Variants in CDH4 observed in about 807,000 individuals in gnomAD.
CDH4 encodes the protein cadherin-4.
A neutral mutation model predicts 86.0 loss-of-function variants in CDH4; 33 were observed. The observed-to-expected ratio is 0.38, with a 90% confidence interval of 0.29 to 0.51. The LOEUF (loss-of-function observed/expected upper bound fraction) is 0.51. Among genes scored for constraint, CDH4 ranks in the 20% least tolerant of loss-of-function variants. The pLI is 0.86. For synonymous variants in CDH4, 555 were observed against 549.4 expected, an observed-to-expected ratio of 1.01 and a Z score of -0.14; for missense variants, 1,114 against 1,307.4, an observed-to-expected ratio of 0.85 and a Z score of 2.28.
intron 3 of CDH4, among the ~76,000 whole-genome samples, chr20:61,759,919 G>A (rs1037698529): frequency 6.6e-6 from 1 of 152,160 alleles, no homozygotes; most frequent in East Asian, 1.9e-4. Flanking sequence ...TAGGAATGCC[G>A]AGGTTGAGAA....
chr20:61,643,861 C>T (rs946298571), intron 2 of CDH4, among the ~76,000 whole-genome samples: 5 of 152,214 alleles, frequency 3.3e-5, no homozygotes, highest in African/African-American at 1.2e-4. Flanking sequence ...CCCCAGTAGG[C>T]GGAGCCCCTG....
intron 7 of CDH4, among the ~76,000 whole-genome samples, chr20:61,883,729 C>T (rs1984402134): frequency 6.6e-6 from 1 of 152,158 alleles, no homozygotes; most frequent in Non-Finnish European, 1.5e-5. Flanking sequence ...AGAGAGGCCC[C>T]AGGGAGGAGC....
intron 2 of CDH4, among the ~76,000 whole-genome samples, chr20:61,345,039 G>A (rs1047723593): frequency 6.6e-5 from 10 of 152,188 alleles, no homozygotes; most frequent in Non-Finnish European, 1.0e-4. Context: ...CTACTTATGC[G>A]CAGGTAATAG....
At chr20:61,358,437 G>A (rs996864498) in intron 2 of CDH4, among the ~76,000 whole-genome samples, 2 of 152,242 alleles carry the variant, frequency 1.3e-5, no homozygotes, top group African/African-American at 4.8e-5. Flanking sequence ...ATGCCTAGTA[G>A]AGGGCCTGGG....
At chr20:61,459,862 C>T (rs1568852895) in intron 2 of CDH4, among the ~76,000 whole-genome samples, 1 of 152,024 alleles carries the variant, frequency 6.6e-6, no homozygotes, top group East Asian at 2.0e-4. Context: ...CACACACCAC[C>T]CCAGGGCAGG....
chr20:61,406,882 TCTGCTCTGCCC>T lies in CDH4; in HGVS notation c.169+151946_169+151956del, dbSNP rs2085087246. Among the ~76,000 whole-genome samples the T allele has an allele frequency of 5.3e-5, 8 of 150,190 alleles. No homozygotes were observed. In the South Asian group the frequency reaches 1.7e-3, roughly 32 times the overall value. On this transcript the variant is annotated intron_variant, in intron 2 of 15. Transcript: ENST00000614565. Reference sequence around the variant, plus strand: ...GCCATCTGCTCTGCCCGGACCACCATCTGCTCTGCCCGGACCACCATCTGCTCTGCCTGGAC... The same window carrying T: ...GCCATCTGCTCTGCCCGGACCACCATGGACCACCATCTGCTCTGCCTGGAC...
At chr20:61,542,397 C>T (rs2086046271) in intron 2 of CDH4, among the ~76,000 whole-genome samples, 1 of 152,148 alleles carries the variant, frequency 6.6e-6, no homozygotes, top group South Asian at 2.1e-4. Flanking sequence ...GAGGGTTTCT[C>T]ACATTATCTC....
intron 7 of CDH4, among the ~76,000 whole-genome samples, chr20:61,874,717 C>T (rs944550067): frequency 1.3e-5 from 2 of 152,222 alleles, no homozygotes; most frequent in Admixed American, 6.5e-5. Flanking sequence ...CATCGCCTGC[C>T]TTCCCCATCT....
At chr20:61,321,960 CAAG>C (rs1028515400) in intron 2 of CDH4, among the ~76,000 whole-genome samples, 50 of 151,612 alleles carry the variant, frequency 3.3e-4, no homozygotes, top group African/African-American at 1.1e-3. Context: ...AATAATATAA[CAAG>C]GAGCTGCATT....
chr20:61,639,628 G>C (rs1008323169), intron 2 of CDH4, among the ~76,000 whole-genome samples: 4 of 152,228 alleles, frequency 2.6e-5, no homozygotes, highest in Non-Finnish European at 1.5e-5. Flanking sequence ...CATCGCGTCA[G>C]TGCTTGCCTG....
chr20:61,511,077 C>T (rs2085776026), intron 2 of CDH4, among the ~76,000 whole-genome samples: 1 of 152,218 alleles, frequency 6.6e-6, no homozygotes, highest in African/African-American at 2.4e-5. Context: ...AGACACCTCC[C>T]CACAGGCCCC....
intron 2 of CDH4, among the ~76,000 whole-genome samples, chr20:61,589,882 G>A (rs2086505198): frequency 6.6e-6 from 1 of 151,882 alleles, no homozygotes; most frequent in Admixed American, 6.6e-5. Context: ...GACATTGCGT[G>A]GACAAACAGA....
intron 2 of CDH4, among the ~76,000 whole-genome samples, chr20:61,373,666 A>T (rs1188791322): frequency 6.6e-6 from 1 of 152,178 alleles, no homozygotes; most frequent in African/African-American, 2.4e-5. Flanking sequence ...CTGAATTGCC[A>T]GGTGACCTTG....
intron 2 of CDH4, chr20:61,718,452 G>C: frequency 4.1e-6 from 1 of 244,364 alleles, no homozygotes; most frequent in African/African-American, 2.2e-5. Context: ...AACACAGAAG[G>C]AGGCAGGTGC....
intron 2 of CDH4, among the ~76,000 whole-genome samples, chr20:61,374,676 G>A (rs1034474832): frequency 5.9e-5 from 9 of 152,088 alleles, no homozygotes; most frequent in Admixed American, 2.6e-4. Flanking sequence ...CTGAAAGATC[G>A]GTTTGGGCCT....
intron 2 of CDH4, among the ~76,000 whole-genome samples, chr20:61,558,336 C>G (rs1276135173): frequency 1.3e-5 from 2 of 152,068 alleles, no homozygotes; most frequent in Non-Finnish European, 2.9e-5. Flanking sequence ...GTGGCACCTG[C>G]CCCCCAAGTC....
chr20:61,493,061 G>A (rs1401382721), intron 2 of CDH4, among the ~76,000 whole-genome samples: 2 of 152,238 alleles, frequency 1.3e-5, no homozygotes, highest in Non-Finnish European at 2.9e-5. Context: ...AGGTTTGAAT[G>A]AAGTACGTAA....
chr20:61,390,694 G>T (rs559241732), intron 2 of CDH4, among the ~76,000 whole-genome samples: 159 of 151,668 alleles, frequency 1.0e-3, no homozygotes, highest in Non-Finnish European at 1.3e-3. Flanking sequence ...CGGTCATAGG[G>T]TGCCCATAGC....
At chr20:61,923,038 C>T (rs1381070151) in intron 9 of CDH4, among the ~76,000 whole-genome samples, 2 of 152,348 alleles carry the variant, frequency 1.3e-5, no homozygotes, top group African/African-American at 4.8e-5. Context: ...CACCATCTGA[C>T]CCTCCGCAAC....
Sources: gnomAD v4.1 joint callset for allele counts (sites outside exome capture counted in the v4.1 genomes callset) on GRCh38, gnomAD v4.1.1 for gene constraint, MANE v1.5 for transcripts, NCBI Gene and HGNC (gene_info 2026-07-23, HGNC 2026-07-21) for gene names.